The following FLT1 variants were observed in gnomAD, a reference collection of about 807,000 sequenced individuals.
FLT1 encodes the protein fms related receptor tyrosine kinase 1, also known as vascular endothelial growth factor receptor 1.
Under a neutral mutation model 156.3 loss-of-function variants are expected in FLT1, and 49 were observed. That is an observed-to-expected ratio of 0.31 (90% confidence interval 0.25 to 0.40). FLT1 has a LOEUF of 0.40. FLT1 is among the 10% of genes least tolerant of loss of function. The pLI, the probability that FLT1 is intolerant of heterozygous loss-of-function variation, is 1.00. For synonymous variants in FLT1, 594 were observed against 583.8 expected, an observed-to-expected ratio of 1.02 and a Z score of -0.25; for missense variants, 1,322 against 1,637.2, an observed-to-expected ratio of 0.81 and a Z score of 3.32.
intron 25 of FLT1, among the ~76,000 whole-genome samples, chr13:28,316,235 A>G (rs1471543601): frequency 6.6e-6 from 1 of 152,150 alleles, no homozygotes; most frequent in Non-Finnish European, 1.5e-5. Flanking sequence ...CCTGGGTCTG[A>G]CCTACCCTTA....
chr13:28,453,662 C>T (rs1190257726), intron 3 of FLT1, among the ~76,000 whole-genome samples: 2 of 152,130 alleles, frequency 1.3e-5, no homozygotes, highest in Non-Finnish European at 1.5e-5. Context: ...ATTTTGGGAT[C>T]GTGATTTAGT....
intron 20 of FLT1, 94 bp from the exon 21 acceptor site, chr13:28,323,040 G>A: frequency 3.0e-6 from 4 of 1,343,846 alleles, no homozygotes; most frequent in Non-Finnish European, 4.3e-6. Context: ...GATGAGAAAT[G>A]AGAGCGTTTC....
intron 25 of FLT1, among the ~76,000 whole-genome samples, chr13:28,312,438 C>T (rs1349349147): frequency 2.6e-5 from 4 of 151,966 alleles, no homozygotes; most frequent in South Asian, 2.1e-4. Flanking sequence ...GAAACCCCAC[C>T]GCTCACTGCA....
intron 23 of FLT1, among the ~76,000 whole-genome samples, chr13:28,319,836 C>T (rs1459181490): frequency 2.6e-5 from 4 of 152,132 alleles, no homozygotes; most frequent in African/African-American, 9.7e-5. Flanking sequence ...GCCTGCACTC[C>T]ACAGGGACAC....
chr13:28,399,613 T>C (rs915191088), intron 11 of FLT1, among the ~76,000 whole-genome samples: 1 of 152,134 alleles, frequency 6.6e-6, no homozygotes, highest in Admixed American at 6.5e-5. Flanking sequence ...AATAGTCAAA[T>C]AGGTCCAAAT....
chr13:28,476,075 T>C (rs1457552454), intron 1 of FLT1, among the ~76,000 whole-genome samples: 3 of 152,046 alleles, frequency 2.0e-5, no homozygotes, highest in Non-Finnish European at 2.9e-5. Flanking sequence ...TGGCCTTAAA[T>C]CAAGAAAGAA....
chr13:28,377,350 G>A (rs554532117), intron 14 of FLT1, among the ~76,000 whole-genome samples: 54 of 152,228 alleles, frequency 3.5e-4, no homozygotes, highest in South Asian at 1.7e-3. Context: ...CATGAACATA[G>A]GAAAATTAAA....
At chr13:28,307,825 G>C (rs1870816212) in intron 28 of FLT1, among the ~76,000 whole-genome samples, 1 of 151,928 alleles carries the variant, frequency 6.6e-6, no homozygotes, top group African/African-American at 2.4e-5. Flanking sequence ...CTGCTAGAGT[G>C]CAGTGGCGCG....
intron 10 of FLT1, among the ~76,000 whole-genome samples, chr13:28,426,668 A>G (rs766270571): frequency 6.6e-6 from 1 of 152,222 alleles, no homozygotes; most frequent in Non-Finnish European, 1.5e-5. Context: ...AAGCCCTCTT[A>G]GGAGGCAGGC....
At chr13:28,410,430 C>T (rs754666136) in intron 10 of FLT1, among the ~76,000 whole-genome samples, 16 of 152,206 alleles carry the variant, frequency 1.1e-4, no homozygotes, top group Non-Finnish European at 2.2e-4. Context: ...AATTGCCCAT[C>T]TGTTTAGTGC....
chr13:28,473,777 G>GGAAA (rs1224855124), intron 1 of FLT1, among the ~76,000 whole-genome samples: 897 of 63,648 alleles, frequency 0.014, 50 homozygotes, highest in East Asian at 0.018. Flanking sequence ...AAGGAAGGAA[G>GGAAA]GAAAGAAAGA....
At chr13:28,360,555 A>C (rs984918321) in intron 14 of FLT1, among the ~76,000 whole-genome samples, 1 of 152,238 alleles carries the variant, frequency 6.6e-6, no homozygotes, top group Non-Finnish European at 1.5e-5. Flanking sequence ...ATGAACCTAG[A>C]GGACATTATG....
rs1874604017 is a variant in FLT1 at position 28,389,949 on chromosome 13, T to C, written c.1816A>G (p.Lys606Glu). Residue 606 changes from lysine to glutamate, a missense_variant, in exon 13 of 30, where the codon AAG (lysine) becomes GAG (glutamate). Lys to Glu is a moderately conservative substitution (Grantham distance 56). Transcript: ENST00000282397. ...TCCTTAGTGATGGCCATTTTTTGCTTGCTAATACTGTAGTGCATTGTTCTG... is the reference window on the plus strand; with the variant it reads ...TCCTTAGTGATGGCCATTTTTTGCTCGCTAATACTGTAGTGCATTGTTCTG... The part of the protein sequence containing the change: ...NNRTMHYSIS[K>E]QKMAITKEHS... 2 of 1,614,058 alleles carry C rather than the reference T, an allele frequency of 1.2e-6. No homozygotes were observed.
At chr13:28,457,678 T>G (rs1301549297) in intron 3 of FLT1, among the ~76,000 whole-genome samples, 1 of 152,180 alleles carries the variant, frequency 6.6e-6, no homozygotes, top group Non-Finnish European at 1.5e-5. Context: ...TTCATTATCA[T>G]TGTTGAAGTT....
At chr13:28,321,006 C>T (rs932298728) in intron 23 of FLT1, among the ~76,000 whole-genome samples, 1 of 152,166 alleles carries the variant, frequency 6.6e-6, no homozygotes, top group African/African-American at 2.4e-5. Context: ...GGGAGGTAAA[C>T]AGTCTCCTCC....
intron 28 of FLT1, chr13:28,308,531 C>T: frequency 2.5e-6 from 1 of 393,288 alleles, no homozygotes; most frequent in Non-Finnish European, 4.8e-6. Flanking sequence ...GGGAGTTCCT[C>T]TGTTACTCTG....
chr13:28,455,565 A>C (rs544925607), intron 3 of FLT1, among the ~76,000 whole-genome samples: 1 of 152,306 alleles, frequency 6.6e-6, no homozygotes, highest in Admixed American at 6.5e-5. Flanking sequence ...GAAAACCTAG[A>C]TGAACTTCGG....
intron 16 of FLT1, among the ~76,000 whole-genome samples, chr13:28,340,985 T>G (rs552615406): frequency 2.0e-5 from 3 of 152,256 alleles, no homozygotes; most frequent in Admixed American, 2.0e-4. Flanking sequence ...GCTGTAGTAG[T>G]AGGTTTTATG....
At chr13:28,385,877 G>C (rs1408636069) in intron 13 of FLT1, 4 of 1,050,136 alleles carry the variant, frequency 3.8e-6, no homozygotes, top group Non-Finnish European at 4.6e-6. Context: ...TAATGAAGTA[G>C]TCAGTCAGTC....
Sources: gnomAD v4.1 joint callset for allele counts (sites outside exome capture counted in the v4.1 genomes callset) on GRCh38, gnomAD v4.1.1 for gene constraint, MANE v1.5 for transcripts, NCBI Gene and HGNC (gene_info 2026-07-23, HGNC 2026-07-21) for gene names.